APOC3: variants seen among roughly 807,000 people sequenced by gnomAD.
The protein encoded by APOC3 is apolipoprotein C3.
In APOC3, 6 loss-of-function variants were observed where a neutral mutation model predicts 7.3. The observed-to-expected ratio is 0.82, with a 90% CI of 0.45 to 1.61. APOC3 has a LOEUF of 1.61. Among genes scored for constraint, APOC3 ranks in the 40% most tolerant of loss-of-function variants. The probability of loss-of-function intolerance (pLI) is 0.01; values close to 1 mark genes in which losing one functional copy is unlikely to be tolerated. For synonymous variants in APOC3, 45 were observed against 51.2 expected (o/e 0.88, Z 0.52); for missense variants, 123 against 124.9 (o/e 0.98, Z 0.07).
intron 1 of APOC3, 47 bp from the exon 2 acceptor site, chr11:116,830,522 CA>C: frequency 6.2e-7 from 1 of 1,606,810 alleles, no homozygotes; most frequent in Non-Finnish European, 8.5e-7. Flanking sequence ...GGGAGGGGTC[CA>C]GAGGCATGGG....
rs1591326198 is a variant in APOC3, at chr11:116,830,464, T to C, written c.-13-106T>C. The C allele has an allele frequency of 1.1e-5, 13 of 1,214,472 alleles. No homozygotes were observed. In the East Asian group the frequency reaches 2.9e-4, roughly 27 times the overall value. 75.2% of individuals were successfully genotyped at this position (1,214,472 alleles called of 1,614,324 possible). A position where few individuals can be genotyped will look rare whatever the true frequency, so the allele number is the denominator to read the frequency against. On this transcript the variant is annotated intron_variant, in intron 1 of 3. Coordinates refer to ENST00000227667, the MANE Select transcript of APOC3 (RefSeq NM_000040.3). ...GCAGGGAGCCGGCCCCTACTCCTTC[T>C]GGCAGACCCAGCTAAGGTTCTACCT... is the stretch of plus-strand genomic sequence containing the variant.
At chr11:116,831,046 C>A in intron 3 of APOC3, 150 bp downstream of exon 3, 1 of 905,496 alleles carries the variant, frequency 1.1e-6, no homozygotes, top group Non-Finnish European at 1.7e-6. Flanking sequence ...CTCACAGGGC[C>A]TTTGTCAGGC....
Position 116,830,771 on chromosome 11 carries a change from A to G in APOC3, c.56-2A>G. On this transcript the variant is annotated splice_acceptor_variant, in intron 2 of 3. Transcript: ENST00000227667. LOFTEE classifies it high-confidence loss of function. ...CCCCACTCAGCCCTGCTCTTTCCTCAGGAGCTTCAGAGGCCGAGGATGCCT... is the reference window on the plus strand; with the variant it reads ...CCCCACTCAGCCCTGCTCTTTCCTCGGGAGCTTCAGAGGCCGAGGATGCCT... 6.2e-7 allele frequency: 1 copy of G among 1,613,292 alleles called. No homozygotes were observed. The highest frequency in any genetic ancestry group is 8.5e-7 in the Non-Finnish European group (1 of 1,179,934).
chr11:116,831,189 ATTTCTTTCTTTC>A (rs1210737487), intron 3 of APOC3: 2,628 of 147,468 alleles, frequency 0.018, 42 homozygotes, highest in South Asian at 0.05. Flanking sequence ...TTCTCTTTCT[ATTTCTTTCTTTC>A]TTTCTTTCTT....
At position 116,830,811 on chromosome 11, in the gene APOC3, A is replaced by C. The variant is rs775525097; in HGVS notation, c.94A>C (p.Met32Leu). 3 of 1,613,130 alleles carry C rather than the reference A, an allele frequency of 1.9e-6. No homozygotes were observed. The highest frequency in any genetic ancestry group is 1.1e-5 in the South Asian group (1 of 91,042). Residue 32 changes from methionine (M) to leucine (L), a missense_variant, in exon 3 of 4, where the codon ATG becomes CTG. Transcript: ENST00000227667. ...EAEDASLLSF[M>L]QGYMKHATKT... ...CGAGGATGCCTCCCTTCTCAGCTTC[A>C]TGCAGGGTTACATGAAGCACGCCAC...
chr11:116,830,059 C>T (rs12721090), intron 1 of APOC3, 119 bp downstream of exon 1: 4,482 of 182,490 alleles, frequency 0.025, 83 homozygotes, highest in East Asian at 0.056. Context: ...AAGGAAGCCT[C>T]GGAGCTGGAC....
chr11:116,831,189 A>ATT (rs72441743), intron 3 of APOC3: 7,492 of 148,452 alleles, frequency 0.05, 1,016 homozygotes, highest in African/African-American at 0.074. Flanking sequence ...TTCTCTTTCT[A>ATT]TTTCTTTCTT....
At chr11:116,831,026 C>A in intron 3 of APOC3, 130 bp downstream of exon 3, 1 of 1,103,096 alleles carries the variant, frequency 9.1e-7, no homozygotes, top group Non-Finnish European at 1.3e-6. Context: ...CCTCTTCAGC[C>A]TCCTCTTTCC....
chr11:116,830,868 C>T lies in APOC3; in HGVS notation c.151C>T (p.Gln51Ter). 1 of 1,613,070 alleles carries T rather than the reference C, an allele frequency of 6.2e-7. No homozygotes were observed. The highest frequency in any genetic ancestry group is 8.5e-7 in the Non-Finnish European group (1 of 1,179,992). ...CGCCAAGGATGCACTGAGCAGCGTG[C>T]AGGAGTCCCAGGTGGCCCAGCAGGC... is the stretch of plus-strand genomic sequence containing the variant. ...KTAKDALSSVQESQVAQQARG... is the reference protein window; with the variant it reads ...KTAKDALSSV Residue 51 changes from glutamine to a stop codon, truncating the protein, a stop_gained, in exon 3 of 4, where the codon CAG becomes TAG. Coordinates refer to ENST00000227667, the MANE Select transcript of APOC3 (RefSeq NM_000040.3). LOFTEE classifies it high-confidence loss of function.
intron 3 of APOC3, 147 bp from the exon 4 acceptor site, chr11:116,832,617 T>G: frequency 1.7e-6 from 2 of 1,181,808 alleles, no homozygotes; most frequent in South Asian, 1.2e-5. Context: ...GATTCCTGCC[T>G]GAGGTCTCAG....
At position 116,831,191 on chromosome 11, in the gene APOC3, TTCTTTCTTTCTTTCTTTCTTTCTTTC is replaced by T. The variant is rs1168087417; in HGVS notation, c.179+297_179+322del. 4.5e-3 allele frequency: 727 copies of T among 160,174 alleles called. 58 individuals carry two copies. Among genetic ancestry groups the T allele is most frequent in the East Asian group, 0.017 (103 of 6,084 alleles). 9.9% of individuals were successfully genotyped at this position (160,174 alleles called of 1,614,324 possible). A position where few individuals can be genotyped will look rare whatever the true frequency, so the allele number is the denominator to read the frequency against. ...CCTTTCCCTTTCTTTCTCTTTCTAT[TTCTTTCTTTCTTTCTTTCTTTCTTTC>T]TTTCTTTCTTTCTTTCTTTCTTTCT... On this transcript the variant is annotated intron_variant, in intron 3 of 3. Coordinates refer to ENST00000227667, the MANE Select transcript of APOC3 (RefSeq NM_000040.3).
rs1333003201 is a variant in APOC3 at position 116,832,889 on chromosome 11, T to G, written c.*5T>G. On this transcript the variant is annotated 3_prime_UTR_variant, in exon 4 of 4. Coordinates refer to ENST00000227667, the MANE Select transcript of APOC3 (RefSeq NM_000040.3). Reference sequence around the variant, plus strand: ...ACTTCAGCCGTGGCTGCCTGAGACCTCAATACCCCAAGTCCACCTGCCTAT... The same window carrying G: ...ACTTCAGCCGTGGCTGCCTGAGACCGCAATACCCCAAGTCCACCTGCCTAT... 1.3e-5 allele frequency: 21 copies of G among 1,613,530 alleles called. No homozygotes were observed. Among genetic ancestry groups the G allele is most frequent in the Non-Finnish European group, 1.8e-5 (21 of 1,180,028 alleles).
chr11:116,831,189 ATTTC>A (rs1210737487), intron 3 of APOC3: 10,036 of 146,226 alleles, frequency 0.069, 384 homozygotes, highest in African/African-American at 0.12. Flanking sequence ...TTCTCTTTCT[ATTTC>A]TTTCTTTCTT....
Position 116,833,033 on chromosome 11 carries a change from T to A in APOC3, c.*149T>A, listed in dbSNP as rs11540884. The A allele has an allele frequency of 1.7e-3, 1,863 of 1,119,934 alleles. 26 individuals carry two copies. The African/African-American group carries it at 0.026, about 16-fold the overall frequency. The allele number at this position is 1,119,934 out of a possible 1,614,324, so 69.4% of individuals were successfully genotyped here. On this transcript the variant is annotated 3_prime_UTR_variant, in exon 4 of 4. Transcript: ENST00000227667. ...CTCATGCCTGGCCCCCCTCCAGGCA[T>A]GCTGGCCTCCCAATAAAGCTGGACA...
chr11:116,831,278 T>C (rs1941454727), intron 3 of APOC3, among the ~76,000 whole-genome samples: 1 of 25,722 alleles, frequency 3.9e-5, no homozygotes, highest in African/African-American at 1.4e-4. Context: ...TTCCTTTCTT[T>C]CTTTCCTTTC....
chr11:116,831,130 G>A (rs1941442658), intron 3 of APOC3: 2 of 572,600 alleles, frequency 3.5e-6, no homozygotes, highest in East Asian at 5.8e-5. Context: ...GCAGTCCTAG[G>A]GCGTGCCGTT....
At chr11:116,831,154 C>A in intron 3 of APOC3, 2 of 415,590 alleles carry the variant, frequency 4.8e-6, no homozygotes, top group Non-Finnish European at 4.3e-6. Context: ...GCCCTCATTT[C>A]CATTTTCCTT....
chr11:116,832,740 T>G (rs760028617), intron 3 of APOC3, 24 bp from the exon 4 acceptor site: 1 of 1,614,068 alleles, frequency 6.2e-7, no homozygotes, highest in South Asian at 1.1e-5. Flanking sequence ...TGCCCTGCTC[T>G]GTTGCTTCCC....
rs1175319729 is a variant in APOC3, at chr11:116,832,914, T to G, written c.*30T>G. The G allele has an allele frequency of 1.9e-6, 3 of 1,613,250 alleles. No individual in the cohort carries two copies. Among genetic ancestry groups the G allele is most frequent in the Non-Finnish European group, 2.5e-6 (3 of 1,179,980 alleles). On this transcript the variant is annotated 3_prime_UTR_variant, in exon 4 of 4. Transcript: ENST00000227667. ...TCAATACCCCAAGTCCACCTGCCTA[T>G]CCATCCTGCGAGCTCCTTGGGTCCT...
Sources: gnomAD v4.1 joint callset for allele counts (sites outside exome capture counted in the v4.1 genomes callset) on GRCh38, gnomAD v4.1.1 for gene constraint, MANE v1.5 for transcripts, NCBI Gene and HGNC (gene_info 2026-07-23, HGNC 2026-07-21) for gene names.